The following TXLNB variants were observed in gnomAD, a reference collection of about 807,000 sequenced individuals.
TXLNB encodes taxilin beta, also known as beta-taxilin.
TXLNB carries 37 observed loss-of-function variants against 57.4 expected under a neutral mutation model. That is an observed-to-expected ratio of 0.64 (90% CI 0.50 to 0.85). TXLNB has a LOEUF of 0.85. Ranked by LOEUF, TXLNB falls within the 40% of genes least tolerant of loss-of-function variation. TXLNB has a pLI of 0.00. For missense variants in TXLNB, 848 were observed against 825.6 expected, an observed-to-expected ratio of 1.03 and a Z score of -0.33; for synonymous variants, 302 against 309.6, an observed-to-expected ratio of 0.98 and a Z score of 0.26.
At chr6:139,231,690 G>C in the TXLNB span, among the ~76,000 whole-genome samples, 59 of 151,948 alleles carry the variant, frequency 3.9e-4, no homozygotes, top group African/African-American at 1.3e-3. Flanking sequence ...ATTTTAATTG[G>C]AGACACCAAA....
chr6:139,229,283 C>T, the TXLNB span, among the ~76,000 whole-genome samples: 1 of 151,978 alleles, frequency 6.6e-6, no homozygotes, highest in African/African-American at 2.4e-5. Context: ...AAAGTTCTGT[C>T]AGGCTAATGA....
At chr6:139,181,462 TCCCAC>T in the TXLNB span, among the ~76,000 whole-genome samples, 1 of 152,314 alleles carries the variant, frequency 6.6e-6, no homozygotes, top group Non-Finnish European at 1.5e-5. Context: ...GCTGTAGACG[TCCCAC>T]GCCTATTAGT....
chr6:139,252,798 T>C (rs948103428), intron 7 of TXLNB, among the ~76,000 whole-genome samples: 2 of 152,220 alleles, frequency 1.3e-5, no homozygotes, highest in Non-Finnish European at 2.9e-5. Context: ...AAGACCATCC[T>C]GGCTAACACG....
In TXLNB at chr6:139,240,491, T is replaced by G. The variant is rs150086667; in HGVS notation, c.*2035A>C. The G allele has an allele frequency of 2.0e-5, 3 of 152,778 alleles. No individual in the cohort carries two copies. The highest frequency in any genetic ancestry group is 7.2e-5 in the African/African-American group (3 of 41,578). The allele number at this position is 152,778 out of a possible 1,614,324, so 9.5% of individuals were successfully genotyped here. Reference sequence around the variant, plus strand: ...TGCTGCCTGTTTCTCTTGCTAAATATTCAGACTGAGACTTTACTATGACTA... The same window carrying G: ...TGCTGCCTGTTTCTCTTGCTAAATAGTCAGACTGAGACTTTACTATGACTA... On this transcript the variant is annotated 3_prime_UTR_variant, in exon 10 of 10. Transcript: ENST00000358430.
chr6:139,167,299 A>G, the TXLNB span: 2 of 1,600,312 alleles, frequency 1.2e-6, no homozygotes, highest in African/African-American at 2.7e-5. Context: ...ATGAGATCGA[A>G]TATGATGTTC....
At position 139,244,644 on chromosome 6, in the gene TXLNB, T is replaced by C; in HGVS notation, c.1217A>G (p.Lys406Arg). 6.2e-7 allele frequency: 1 copy of C among 1,614,114 alleles called. No homozygotes were observed. The highest frequency in any genetic ancestry group is 8.5e-7 in the Non-Finnish European group (1 of 1,179,960). The change falls in exon 9 of 10, where the codon AAA becomes AGA. Residue 406 changes from lysine (K) to arginine (R), a missense_variant. Transcript: ENST00000358430. ...TTTGTTACAGTTCTCAAATCGGGCT[T>C]TCCATGTGGCTGTGTCCTTTTCCAG... ...KKLEKDTATW[K>R]ARFENCNKAL...
chr6:139,204,755 C>T, the TXLNB span, among the ~76,000 whole-genome samples: 1 of 152,140 alleles, frequency 6.6e-6, no homozygotes, highest in East Asian at 1.9e-4. Flanking sequence ...TGGATCTAAA[C>T]CCAGCACTGT....
chr6:139,174,365 C>G, the TXLNB span: 2 of 1,606,150 alleles, frequency 1.2e-6, no homozygotes, highest in South Asian at 2.2e-5. Context: ...CACTCAGAGC[C>G]TTGTGTCTTC....
In TXLNB at chr6:139,242,437, C is replaced by T. The variant is rs574718471; in HGVS notation, c.*89G>A. 1.7e-5 allele frequency: 20 copies of T among 1,173,682 alleles called. No homozygotes were observed. In the African/African-American group the frequency reaches 3.0e-4, roughly 18 times the overall value. 72.7% of individuals were successfully genotyped at this position (1,173,682 alleles called of 1,614,324 possible). A position where few individuals can be genotyped will look rare whatever the true frequency, so the allele number is the denominator to read the frequency against. Reference sequence around the variant, plus strand: ...ATCCTAAGTCTCTTCCATTTGACATCTCTAGCCCTTAATGCCTTTTTCGGA... The same window carrying T: ...ATCCTAAGTCTCTTCCATTTGACATTTCTAGCCCTTAATGCCTTTTTCGGA... On this transcript the variant is annotated 3_prime_UTR_variant, in exon 10 of 10. Transcript: ENST00000358430.
chr6:139,311,629 C>T, the TXLNB span, among the ~76,000 whole-genome samples: 1 of 151,994 alleles, frequency 6.6e-6, no homozygotes, highest in African/African-American at 2.4e-5. Context: ...TCATTTTTAC[C>T]TGAGATGTAC....
chr6:139,303,267 C>T, the TXLNB span, among the ~76,000 whole-genome samples: 1 of 152,092 alleles, frequency 6.6e-6, no homozygotes, highest in African/African-American at 2.4e-5. Flanking sequence ...TAATGTTACT[C>T]GCTTACAAAG....
the TXLNB span, among the ~76,000 whole-genome samples, chr6:139,217,651 G>A: frequency 1.3e-5 from 2 of 151,904 alleles, no homozygotes; most frequent in East Asian, 1.9e-4. Flanking sequence ...GGCAGATCAC[G>A]AGCTCAGAAG....
the TXLNB span, among the ~76,000 whole-genome samples, chr6:139,202,075 T>G: frequency 6.6e-6 from 1 of 152,356 alleles, no homozygotes. Flanking sequence ...AAATTTCCAT[T>G]TGAAAGTTTC....
chr6:139,316,038 A>T, the TXLNB span, among the ~76,000 whole-genome samples: 1 of 152,218 alleles, frequency 6.6e-6, no homozygotes, highest in Non-Finnish European at 1.5e-5. Context: ...TTTAAATAAT[A>T]AGTAAAAAAT....
At chr6:139,236,965 A>T (rs894284641), downstream of TXLNB, among the ~76,000 whole-genome samples, 10 of 152,108 alleles carry the variant, frequency 6.6e-5, no homozygotes, top group African/African-American at 2.2e-4. Context: ...GCAACCCTAC[A>T]AACCCTGTGC....
chr6:139,300,119 A>G, the TXLNB span, among the ~76,000 whole-genome samples: 1 of 152,110 alleles, frequency 6.6e-6, no homozygotes, highest in Non-Finnish European at 1.5e-5. Flanking sequence ...GCTGATCACA[A>G]AGCAATTCTC....
chr6:139,195,675 C>T, the TXLNB span, among the ~76,000 whole-genome samples: 2 of 152,068 alleles, frequency 1.3e-5, no homozygotes, highest in Non-Finnish European at 2.9e-5. Flanking sequence ...CTGAAGACAA[C>T]CTAATGTAAA....
At chr6:139,303,122 G>T in the TXLNB span, among the ~76,000 whole-genome samples, 1 of 152,164 alleles carries the variant, frequency 6.6e-6, no homozygotes, top group African/African-American at 2.4e-5. Flanking sequence ...TTCTATAGTA[G>T]TGTCATTGGT....
Position 139,270,756 on chromosome 6 carries a change from G to C in TXLNB, c.517-130C>G, listed in dbSNP as rs141760605. The C allele has an allele frequency of 1.7e-4, 125 of 746,388 alleles. 1 individual carries two copies. The East Asian group carries it at 3.3e-3, about 20-fold the overall frequency. 46.2% of individuals were successfully genotyped at this position (746,388 alleles called of 1,614,324 possible). A position where few individuals can be genotyped will look rare whatever the true frequency, so the allele number is the denominator to read the frequency against. On this transcript the variant is annotated intron_variant, in intron 3 of 9. Coordinates refer to ENST00000358430, the MANE Select transcript of TXLNB (RefSeq NM_153235.4). ...TTTTTTGCTATTATCTCTTCCTCTG[G>C]AAGTAAATGAAATTCACAAACGTCA...
Sources: allele counts gnomAD v4.1 joint callset (sites outside exome capture counted in the v4.1 genomes callset), GRCh38; gene constraint gnomAD v4.1.1; transcripts MANE v1.5; gene names NCBI Gene and HGNC (gene_info 2026-07-23, HGNC 2026-07-21).